ABR: variants seen among roughly 807,000 people sequenced by gnomAD.
ABR encodes the protein ABR activator of RhoGEF and GTPase, also known as active breakpoint cluster region-related protein.
In ABR, 35 loss-of-function variants were observed where a neutral mutation model predicts 107.2. That is an observed-to-expected ratio of 0.33 (90% CI 0.25 to 0.43). The LOEUF (loss-of-function observed/expected upper bound fraction) is 0.43, where lower values mean the gene tolerates loss of function less well. Ranked by LOEUF, ABR falls within the 20% of genes least tolerant of loss-of-function variation. The pLI, the probability that ABR is intolerant of heterozygous loss-of-function variation, is 1.00. For synonymous variants in ABR, 498 were observed against 462.0 expected (o/e 1.08, Z -1.00); for missense variants, 815 against 1,115.2 (o/e 0.73, Z 3.83).
chr17:1,009,162 G>C (rs1438853436), intron 21 of ABR, among the ~76,000 whole-genome samples: 1 of 150,704 alleles, frequency 6.6e-6, no homozygotes, highest in Non-Finnish European at 1.5e-5. Flanking sequence ...TCCTCCTGCT[G>C]TCTGTCCCCC....
chr17:1,183,267 T>G (rs1415000310), upstream of ABR, among the ~76,000 whole-genome samples: 1 of 152,070 alleles, frequency 6.6e-6, no homozygotes, highest in African/African-American at 2.4e-5. Flanking sequence ...CTTCTAAGCA[T>G]TCCCCAGACA....
At chr17:1,065,627 C>G (rs1048424630) in intron 10 of ABR, among the ~76,000 whole-genome samples, 6 of 151,664 alleles carry the variant, frequency 4.0e-5, no homozygotes, top group African/African-American at 1.2e-4. Flanking sequence ...TGGCTGCATC[C>G]ATGGGTACTG....
At chr17:1,087,080 G>T (rs1449877251) in intron 4 of ABR, among the ~76,000 whole-genome samples, 1 of 152,206 alleles carries the variant, frequency 6.6e-6, no homozygotes, top group Non-Finnish European at 1.5e-5. Flanking sequence ...ACCTTCATGT[G>T]TGACGCTGTA....
chr17:1,220,764 C>T (rs1309215690), intron 1 of ABR, among the ~76,000 whole-genome samples: 3 of 152,140 alleles, frequency 2.0e-5, no homozygotes, highest in African/African-American at 7.2e-5. Flanking sequence ...TAAACCAAGG[C>T]AGGGAATGTA....
chr17:1,051,171 G>A lies in ABR; in HGVS notation c.1562-537C>T, dbSNP rs1039820144. ...CCCTGCCGCGGTGACGACCAACAAC[G>A]CCCACATCCCCAAGCCCAGGGTGCT... On this transcript the variant is annotated intron_variant, in intron 14 of 22. Transcript: ENST00000302538. This position sits in a 1 kb window ranked among gnomAD's most constrained non-coding sequence, Gnocchi z 4.3. 2.0e-5 allele frequency among the ~76,000 whole-genome samples: 3 copies of A among 152,078 alleles called. No individual in the cohort carries two copies. Among genetic ancestry groups the A allele is most frequent in the East Asian group, 3.9e-4 (2 of 5,188 alleles).
chr17:1,049,115 G>C (rs967905123), intron 16 of ABR, among the ~76,000 whole-genome samples: 3 of 152,152 alleles, frequency 2.0e-5, no homozygotes, highest in African/African-American at 4.8e-5. Context: ...TGCACACACA[G>C]AGGCCTTTTC....
chr17:1,078,313 C>T lies in ABR; in HGVS notation c.700+1017G>A, dbSNP rs745481913. Among the ~76,000 whole-genome samples, 1 of 152,148 alleles carries T rather than the reference C, an allele frequency of 6.6e-6. No homozygotes were observed. The highest frequency in any genetic ancestry group is 6.5e-5 in the Admixed American group (1 of 15,270). ...TGCATGTGCGCGGAGCACACAATACCGTGCCGCCCAGCCTCCGCGCCTCTC... is the reference window on the plus strand; with the variant it reads ...TGCATGTGCGCGGAGCACACAATACTGTGCCGCCCAGCCTCCGCGCCTCTC... On this transcript the variant is annotated intron_variant, in intron 6 of 22. Coordinates refer to ENST00000302538, the MANE Select transcript of ABR (RefSeq NM_021962.5). This position sits in a 1 kb window ranked among gnomAD's most constrained non-coding sequence, Gnocchi z 7.5.
chr17:1,188,504 C>G (rs976666292), upstream of ABR, among the ~76,000 whole-genome samples: 2 of 150,784 alleles, frequency 1.3e-5, no homozygotes, highest in Non-Finnish European at 2.9e-5. Context: ...GAACCAAGAT[C>G]GCACCACTGT....
intron 1 of ABR, among the ~76,000 whole-genome samples, chr17:1,147,601 C>A (rs927246171): frequency 6.6e-6 from 1 of 151,978 alleles, no homozygotes; most frequent in African/African-American, 2.4e-5. Context: ...CCTCAGGTGA[C>A]CCACCCGCCT....
In ABR at chr17:1,050,027, T is replaced by G; in HGVS notation, c.1791+23A>C. 1 of 1,607,078 alleles carries G rather than the reference T, an allele frequency of 6.2e-7. No homozygotes were observed. The highest frequency in any genetic ancestry group is 8.5e-7 in the Non-Finnish European group (1 of 1,177,450). ...CCACCTCCTGGAGGCTCCCTCAGCC[T>G]CGCCCCGGCGCCCTGGCCTCACCTG... On this transcript the variant is annotated intron_variant, in intron 16 of 22. Transcript: ENST00000302538. The surrounding 1 kb of genome is among the most constrained non-coding windows in gnomAD (Gnocchi z 4.6).
chr17:1,012,395 G>A (rs1233302755), intron 18 of ABR: 22 of 666,664 alleles, frequency 3.3e-5, no homozygotes, highest in Non-Finnish European at 5.2e-5. Flanking sequence ...CGTTGGTGCC[G>A]AGCCCAAACG....
At chr17:1,101,648 C>G (rs923621930) in intron 2 of ABR, among the ~76,000 whole-genome samples, 17 of 152,168 alleles carry the variant, frequency 1.1e-4, no homozygotes, top group African/African-American at 3.6e-4. Flanking sequence ...TGAATGTCCA[C>G]CAGGCCCTAT....
At chr17:1,094,779 A>G (rs1332290336) in intron 3 of ABR, among the ~76,000 whole-genome samples, 1 of 152,184 alleles carries the variant, frequency 6.6e-6, no homozygotes, top group African/African-American at 2.4e-5. Flanking sequence ...GTTGTGCTGG[A>G]GTAGCCTGGA....
rs2257222 is a variant in ABR at position 1,050,497 on chromosome 17, T to G, written c.1659+40A>C. 1.9e-6 allele frequency: 3 copies of G among 1,568,008 alleles called. No homozygotes were observed. Among genetic ancestry groups the G allele is most frequent in the Non-Finnish European group, 2.6e-6 (3 of 1,139,106 alleles). On this transcript the variant is annotated intron_variant, in intron 15 of 22. Transcript: ENST00000302538. The surrounding 1 kb of genome is among the most constrained non-coding windows in gnomAD (Gnocchi z 4.6). Reference sequence around the variant, plus strand: ...CAGCAGACAAGCCACGAGCACGGGGTGGTGGGGTCCCCACAGAGATGCCAG... The same window carrying G: ...CAGCAGACAAGCCACGAGCACGGGGGGGTGGGGTCCCCACAGAGATGCCAG...
At chr17:1,020,651 G>A (rs552446517) in intron 16 of ABR, among the ~76,000 whole-genome samples, 2 of 152,164 alleles carry the variant, frequency 1.3e-5, no homozygotes, top group Non-Finnish European at 2.9e-5. Flanking sequence ...TTTCTGGACC[G>A]AAGTGACCTC....
intron 6 of ABR, among the ~76,000 whole-genome samples, chr17:1,076,338 C>T (rs2035706328): frequency 1.3e-5 from 2 of 152,286 alleles, no homozygotes; most frequent in East Asian, 3.9e-4. Context: ...ACTGAGGGTG[C>T]AGCCCAGGTC....
At chr17:1,013,231 G>A in intron 16 of ABR, 67 bp from the exon 17 acceptor site, 2 of 1,465,596 alleles carry the variant, frequency 1.4e-6, no homozygotes, top group Non-Finnish European at 1.9e-6. Context: ...CTCCCCGTGG[G>A]TCAGCACTGC....
At chr17:1,217,544 T>A (rs2043035170) in intron 1 of ABR, among the ~76,000 whole-genome samples, 1 of 152,222 alleles carries the variant, frequency 6.6e-6, no homozygotes, top group Non-Finnish European at 1.5e-5. Flanking sequence ...ACTTGACTAT[T>A]GATATTATAT....
intron 10 of ABR, among the ~76,000 whole-genome samples, chr17:1,066,566 T>A (rs2034764565): frequency 6.6e-6 from 1 of 152,042 alleles, no homozygotes; most frequent in Admixed American, 6.6e-5. Context: ...TCTCACTCTA[T>A]TGCCTAGACT....
Sources: allele counts gnomAD v4.1 joint callset (sites outside exome capture counted in the v4.1 genomes callset), GRCh38; gene constraint gnomAD v4.1.1; non-coding constraint Gnocchi (gnomAD v3.1); transcripts MANE v1.5; gene names NCBI Gene and HGNC (gene_info 2026-07-23, HGNC 2026-07-21).